The following NIBAN1 variants were observed in gnomAD, a reference collection of about 807,000 sequenced individuals.
NIBAN1 encodes niban apoptosis regulator 1.
A neutral mutation model predicts 75.1 loss-of-function variants in NIBAN1; 81 were observed. That is an observed-to-expected ratio of 1.08 (90% CI 0.90 to 1.30). The LOEUF is 1.30. Among genes scored for constraint, NIBAN1 ranks in the 50% most tolerant of loss-of-function variants. The probability of loss-of-function intolerance (pLI) is 0.00; values close to 1 mark genes in which losing one functional copy is unlikely to be tolerated. For missense variants in NIBAN1, 1,133 were observed against 1,128.1 expected (o/e 1.00, Z -0.06); for synonymous variants, 436 against 424.8 (o/e 1.03, Z -0.32).
intron 1 of NIBAN1, among the ~76,000 whole-genome samples, chr1:184,965,102 A>T (rs1658746332): frequency 6.6e-6 from 1 of 152,200 alleles, no homozygotes; most frequent in Admixed American, 6.5e-5. Context: ...GATCGAGAAC[A>T]TCCTGGCTGA....
At chr1:184,867,267 C>A (rs1345968696) in intron 5 of NIBAN1, among the ~76,000 whole-genome samples, 1 of 152,004 alleles carries the variant, frequency 6.6e-6, no homozygotes, top group African/African-American at 2.4e-5. Flanking sequence ...AGCCTTATTG[C>A]AAAACTTTGT....
chr1:184,915,356 A>G (rs1414264405), intron 1 of NIBAN1, among the ~76,000 whole-genome samples: 3 of 152,238 alleles, frequency 2.0e-5, no homozygotes, highest in East Asian at 3.8e-4. Flanking sequence ...ATTTGTAAGC[A>G]TTAGCAAGAT....
Position 184,793,699 on chromosome 1 carries a change from T to A in NIBAN1, c.*1278A>T, listed in dbSNP as rs1391219929. 2 of 152,248 alleles carry A rather than the reference T, an allele frequency of 1.3e-5. No homozygotes were observed. The highest frequency in any genetic ancestry group is 4.8e-5 in the African/African-American group (2 of 41,460). The allele number at this position is 152,248 out of a possible 1,614,324, so 9.4% of individuals were successfully genotyped here. A position where few individuals can be genotyped will look rare whatever the true frequency, so the allele number is the denominator to read the frequency against. ...TTTAATCTTTTGGAAGCAAGTCTCT[T>A]CCATTTTCAACATTAATGGTTATAG... On this transcript the variant is annotated 3_prime_UTR_variant, in exon 14 of 14. Transcript: ENST00000367511.
intron 1 of NIBAN1, among the ~76,000 whole-genome samples, chr1:184,929,134 A>G (rs234686): frequency 0.74 from 112,116 of 152,160 alleles, 42,243 homozygotes; most frequent in African/African-American, 0.91. Context: ...CCATGATTTT[A>G]GTGTCATATT....
intron 1 of NIBAN1, among the ~76,000 whole-genome samples, chr1:184,953,041 G>T (rs1464285177): frequency 6.6e-6 from 1 of 152,170 alleles, no homozygotes; most frequent in Non-Finnish European, 1.5e-5. Context: ...TTGATGTACA[G>T]TTTATTTAAA....
At chr1:184,934,962 C>T (rs2102038263) in intron 1 of NIBAN1, among the ~76,000 whole-genome samples, 1 of 152,074 alleles carries the variant, frequency 6.6e-6, no homozygotes, top group South Asian at 2.1e-4. Context: ...GCCAGCTACC[C>T]AGGAGGCTGA....
chr1:184,965,509 G>T (rs780750109), intron 1 of NIBAN1, among the ~76,000 whole-genome samples: 27 of 152,228 alleles, frequency 1.8e-4, no homozygotes, highest in Non-Finnish European at 3.5e-4. Flanking sequence ...GATGGAGCTG[G>T]AGGTCATTAT....
intron 8 of NIBAN1, 74 bp downstream of exon 8, chr1:184,823,093 C>T: frequency 6.6e-7 from 1 of 1,508,268 alleles, no homozygotes; most frequent in Non-Finnish European, 9.0e-7. Flanking sequence ...TGAAACCATG[C>T]ATTCCTGCTA....
At chr1:184,924,457 T>C (rs912175921) in intron 1 of NIBAN1, among the ~76,000 whole-genome samples, 7 of 152,214 alleles carry the variant, frequency 4.6e-5, no homozygotes, top group African/African-American at 7.2e-5. Context: ...AGTATTTTGT[T>C]GACGATTTTT....
chr1:184,970,983 C>T (rs1441454452), intron 1 of NIBAN1, among the ~76,000 whole-genome samples: 1 of 151,804 alleles, frequency 6.6e-6, no homozygotes, highest in Non-Finnish European at 1.5e-5. Context: ...TCATGCATAC[C>T]AAAAGCTTTA....
intron 5 of NIBAN1, among the ~76,000 whole-genome samples, chr1:184,867,207 C>A (rs1404556122): frequency 6.6e-6 from 1 of 152,028 alleles, no homozygotes; most frequent in Non-Finnish European, 1.5e-5. Flanking sequence ...CACACACACA[C>A]ACACACCCCA....
chr1:184,964,858 TTAATTC>T (rs1270786431), intron 1 of NIBAN1, among the ~76,000 whole-genome samples: 2 of 152,234 alleles, frequency 1.3e-5, no homozygotes, highest in Non-Finnish European at 2.9e-5. Flanking sequence ...TTCAAAAACT[TTAATTC>T]TATTTCTCAT....
intron 5 of NIBAN1, among the ~76,000 whole-genome samples, chr1:184,884,104 C>T (rs1057283229): frequency 4.6e-5 from 7 of 152,114 alleles, no homozygotes; most frequent in Admixed American, 2.0e-4. Context: ...TCTGCTTCAC[C>T]GGGGCCTCCC....
chr1:184,815,916 C>G (rs2102211106), intron 9 of NIBAN1, among the ~76,000 whole-genome samples: 1 of 152,306 alleles, frequency 6.6e-6, no homozygotes, highest in South Asian at 2.1e-4. Context: ...ATAGGCCCTA[C>G]AGTAAATTCT....
chr1:184,934,933 G>A (rs1304795399), intron 1 of NIBAN1, among the ~76,000 whole-genome samples: 1 of 152,090 alleles, frequency 6.6e-6, no homozygotes, highest in Non-Finnish European at 1.5e-5. Context: ...AGCCGGGCAT[G>A]GTGGCATGCA....
Position 184,795,011 on chromosome 1 carries a change from T to C in NIBAN1, c.2753A>G (p.Gln918Arg), listed in dbSNP as rs1380517785. 5.6e-6 allele frequency: 9 copies of C among 1,612,558 alleles called. No individual in the cohort carries two copies. Among genetic ancestry groups the C allele is most frequent in the African/African-American group, 5.3e-5 (4 of 74,954 alleles). The stretch of plus-strand genomic sequence containing the variant: ...TGAGGGCAGCTCTGGGAAACTCTCC[T>C]GACCACCTTCTCCCTCCTTCACGTC... ...KDDVKEGEGG[Q>R]ESFPELPSEE Residue 918 changes from glutamine (Q) to arginine (R), a missense_variant, in exon 14 of 14, where the codon CAG (glutamine) becomes CGG (arginine). Physicochemically the swap from Gln to Arg is conservative, Grantham distance 43. Transcript: ENST00000367511.
At chr1:184,965,472 A>G (rs1017085750) in intron 1 of NIBAN1, among the ~76,000 whole-genome samples, 1 of 152,188 alleles carries the variant, frequency 6.6e-6, no homozygotes, top group African/African-American at 2.4e-5. Context: ...CAATGAATAC[A>G]TGCATGCAGT....
intron 9 of NIBAN1, among the ~76,000 whole-genome samples, chr1:184,815,124 A>G (rs1049461975): frequency 1.3e-5 from 2 of 152,214 alleles, no homozygotes; most frequent in African/African-American, 4.8e-5. Flanking sequence ...AAACATTTAT[A>G]AAGGGATTTC....
chr1:184,834,373 C>T lies in NIBAN1; in HGVS notation c.602-2411G>A, dbSNP rs531888595. 5.2e-3 allele frequency among the ~76,000 whole-genome samples: 786 copies of T among 152,254 alleles called. 2 individuals are homozygous for T. The highest frequency in any genetic ancestry group is 7.8e-3 in the Non-Finnish European group (531 of 68,020). ...ATTTATAATCCTTTGGGTATATACCCAGTAATGGGATGGCTGGGTCAAATG... is the reference window on the plus strand; with the variant it reads ...ATTTATAATCCTTTGGGTATATACCTAGTAATGGGATGGCTGGGTCAAATG... On this transcript the variant is annotated intron_variant, in intron 5 of 13. Coordinates refer to ENST00000367511, the MANE Select transcript of NIBAN1 (RefSeq NM_052966.4).
Sources: allele counts gnomAD v4.1 joint callset (sites outside exome capture counted in the v4.1 genomes callset), GRCh38; gene constraint gnomAD v4.1.1; transcripts MANE v1.5; gene names NCBI Gene and HGNC (gene_info 2026-07-23, HGNC 2026-07-21).